The following DOC2B variants were observed in gnomAD, a reference collection of about 807,000 sequenced individuals.
DOC2B encodes the protein double C2-like domain-containing protein beta.
A neutral mutation model predicts 28.9 loss-of-function variants in DOC2B; 21 were observed. The ratio of observed to expected loss-of-function variants is 0.73; its 90% CI spans 0.52 to 1.05. The LOEUF (loss-of-function observed/expected upper bound fraction) is 1.05. Among genes scored for constraint, DOC2B ranks in the 50% least tolerant of loss-of-function variants. DOC2B has a pLI of 0.00. For synonymous variants in DOC2B, 194 were observed against 178.1 expected, an observed-to-expected ratio of 1.09 and a Z score of -0.71; for missense variants, 384 against 421.1, an observed-to-expected ratio of 0.91 and a Z score of 0.77.
Position 181,287 on chromosome 17 carries a change from C to A in DOC2B, c.193G>T (p.Ala65Ser). 4.2e-6 allele frequency: 5 copies of A among 1,198,418 alleles called. No homozygotes were observed. Among genetic ancestry groups the A allele is most frequent in the Non-Finnish European group, 5.2e-6 (5 of 967,088 alleles). 74.2% of individuals were successfully genotyped at this position (1,198,418 alleles called of 1,614,324 possible). Residue 65 changes from alanine to serine, a missense_variant, in exon 1 of 9, where the codon GCC becomes TCC. Physicochemically the swap from Ala to Ser is moderately conservative, Grantham distance 99 (BLOSUM62 1). Transcript: ENST00000613549. This position sits in a 1 kb window ranked among gnomAD's most constrained non-coding sequence, Gnocchi z 7.0. ...PPDAPARPAVAGAGRRSPSDG... is the reference protein window; with the variant it reads ...PPDAPARPAVSGAGRRSPSDG... The stretch of plus-strand genomic sequence containing the variant: ...GAGGGGCTGCGGCGGCCGGCACCGG[C>A]CACAGCCGGGCGCGCGGGGGCGTCC...
At chr17:161,177 A>ACATT (rs2151466046) in intron 5 of DOC2B, among the ~76,000 whole-genome samples, 1 of 152,124 alleles carries the variant, frequency 6.6e-6, no homozygotes, top group East Asian at 1.9e-4. Flanking sequence ...CAGGCCAGCG[A>ACATT]GCCTGGTAAA....
intron 8 of DOC2B, 45 bp from the exon 9 acceptor site, chr17:147,622 C>A (rs2040030115): frequency 5.0e-6 from 2 of 398,806 alleles, no homozygotes; most frequent in Admixed American, 4.4e-5. Context: ...GGACCCCCAA[C>A]TCCCAGGCGT....
intron 2 of DOC2B, 53 bp downstream of exon 2, chr17:172,484 C>T: frequency 1.4e-6 from 2 of 1,477,238 alleles, no homozygotes; most frequent in Non-Finnish European, 1.8e-6. Flanking sequence ...CTGACCTAGG[C>T]CCTCTTGAGG....
chr17:180,845 G>A (rs1358112217), intron 1 of DOC2B, among the ~76,000 whole-genome samples: 4 of 150,678 alleles, frequency 2.7e-5, no homozygotes, highest in Non-Finnish European at 4.4e-5. Flanking sequence ...CGAGGAACCC[G>A]GCCCCGGAAA....
chr17:147,760 G>A (rs1362790441), intron 8 of DOC2B, among the ~76,000 whole-genome samples, 183 bp from the exon 9 acceptor site: 2 of 152,214 alleles, frequency 1.3e-5, no homozygotes, highest in African/African-American at 4.8e-5. Flanking sequence ...CAGCCATCCT[G>A]TCTCTCTTCC....
Position 181,295 on chromosome 17 carries a change from G to C in DOC2B, c.185C>G (p.Pro62Arg). 1 of 1,187,398 alleles carries C rather than the reference G, an allele frequency of 8.4e-7. No individual in the cohort carries two copies. 73.6% of individuals were successfully genotyped at this position (1,187,398 alleles called of 1,614,324 possible). The change falls in exon 1 of 9, where the codon CCG (proline) becomes CGG (arginine). Residue 62 changes from proline (P) to arginine (R), a missense_variant. Pro to Arg is a moderately radical substitution (Grantham distance 103, BLOSUM62 -2). Transcript: ENST00000613549. The surrounding 1 kb of genome is among the most constrained non-coding windows in gnomAD (Gnocchi z 7.0). ...AAAPPDAPAR[P>R]AVAGAGRRSP... is the part of the protein sequence containing the mutation. ...GCGGCGGCCGGCACCGGCCACAGCCGGGCGCGCGGGGGCGTCCGGGGGTGC... is the reference window on the plus strand; with the variant it reads ...GCGGCGGCCGGCACCGGCCACAGCCCGGCGCGCGGGGGCGTCCGGGGGTGC...
chr17:148,321 C>T lies in DOC2B; in HGVS notation c.1006-52G>A, dbSNP rs1021534554. 2.1e-3 allele frequency: 848 copies of T among 398,538 alleles called. 10 individuals carry two copies. Among genetic ancestry groups the T allele is most frequent in the African/African-American group, 0.016 (778 of 48,666 alleles). 24.7% of individuals were successfully genotyped at this position (398,538 alleles called of 1,614,324 possible). A position where few individuals can be genotyped will look rare whatever the true frequency, so the allele number is the denominator to read the frequency against. On this transcript the variant is annotated intron_variant, in intron 7 of 8. Coordinates refer to ENST00000613549, the MANE Select transcript of DOC2B (RefSeq NM_003585.5). ...CTGATGCCTGGGCCTGGGCCTCCGC[C>T]GGGGGCCAGGAGGGGTATGAGGTGT...
chr17:158,760 A>T (rs1201662035), intron 5 of DOC2B, among the ~76,000 whole-genome samples: 3 of 152,162 alleles, frequency 2.0e-5, no homozygotes. Flanking sequence ...ATAAACTAGC[A>T]GGGGCCAGGC....
intron 7 of DOC2B, 150 bp downstream of exon 7, chr17:148,961 G>C: frequency 3.5e-5 from 12 of 342,394 alleles, no homozygotes; most frequent in East Asian, 1.3e-4. Flanking sequence ...GGGTCCCCCA[G>C]CTCCCCTGTG....
chr17:179,398 C>CAAAAAAAAAAAAAAA (rs770987974), intron 1 of DOC2B, among the ~76,000 whole-genome samples: 3 of 139,006 alleles, frequency 2.2e-5, no homozygotes, highest in Non-Finnish European at 3.1e-5. Context: ...TCAGAGACAG[C>CAAAAAAAAAAAAAAA]AAAAAAAAGA....
Position 181,312 on chromosome 17 carries a change from CG to C in DOC2B, c.167del (p.Pro56ArgfsTer98). ...PDAGPRAAAP[P>X]DAPARPAVAG... is the part of the protein sequence containing the mutation. ...CCACAGCCGGGCGCGCGGGGGCGTC[CG>C]GGGGTGCAGCGGCTCGGGGCCCGGC... On this transcript the variant is annotated frameshift_variant, in exon 1 of 9. Transcript: ENST00000613549. LOFTEE classifies it high-confidence loss of function. This position sits in a 1 kb window ranked among gnomAD's most constrained non-coding sequence, Gnocchi z 7.0. The C allele has an allele frequency of 2.6e-6, 3 of 1,174,338 alleles. No individual in the cohort carries two copies. Among genetic ancestry groups the C allele is most frequent in the Non-Finnish European group, 3.2e-6 (3 of 951,698 alleles). 72.7% of individuals were successfully genotyped at this position (1,174,338 alleles called of 1,614,324 possible). A position where few individuals can be genotyped will look rare whatever the true frequency, so the allele number is the denominator to read the frequency against.
chr17:160,668 G>A (rs2151465616), intron 5 of DOC2B, among the ~76,000 whole-genome samples: 1 of 152,292 alleles, frequency 6.6e-6, no homozygotes. Context: ...AGTGGCACGG[G>A]GGACTCCTGG....
At chr17:157,461 T>C (rs2040149060) in intron 5 of DOC2B, among the ~76,000 whole-genome samples, 1 of 152,190 alleles carries the variant, frequency 6.6e-6, no homozygotes, top group South Asian at 2.1e-4. Flanking sequence ...GTTGGAACTC[T>C]ACCTGTAAAT....
intron 8 of DOC2B, 87 bp from the exon 9 acceptor site, chr17:147,664 C>T (rs1010951405): frequency 1.5e-5 from 6 of 398,364 alleles, no homozygotes; most frequent in Admixed American, 4.4e-5. Flanking sequence ...GTTCTGTGCT[C>T]GAAGGCCAGC....
chr17:152,220 C>T (rs1036219212), intron 6 of DOC2B, among the ~76,000 whole-genome samples: 3 of 152,182 alleles, frequency 2.0e-5, no homozygotes, highest in East Asian at 1.9e-4. Context: ...TGGCACAGCA[C>T]GTTGCTGCCA....
Position 181,513 on chromosome 17 carries a change from G to A in DOC2B, c.-34C>T. On this transcript the variant is annotated 5_prime_UTR_variant, in exon 1 of 9. Transcript: ENST00000613549. This position sits in a 1 kb window ranked among gnomAD's most constrained non-coding sequence, Gnocchi z 7.0. Reference sequence around the variant, plus strand: ...CGCCGCCCCGCCCCGGGCGCGGCCCGGCCCGGCGCGACCCCGGCCCGGGGG... The same window carrying A: ...CGCCGCCCCGCCCCGGGCGCGGCCCAGCCCGGCGCGACCCCGGCCCGGGGG... 1.0e-6 allele frequency: 1 copy of A among 990,432 alleles called. No individual in the cohort carries two copies. The highest frequency in any genetic ancestry group is 1.2e-6 in the Non-Finnish European group (1 of 834,434). 61.4% of individuals were successfully genotyped at this position (990,432 alleles called of 1,614,324 possible). A position where few individuals can be genotyped will look rare whatever the true frequency, so the allele number is the denominator to read the frequency against.
intron 1 of DOC2B, among the ~76,000 whole-genome samples, chr17:173,243 G>A (rs896956505): frequency 7.9e-5 from 12 of 152,272 alleles, no homozygotes; most frequent in South Asian, 2.1e-4. Context: ...ATTGGGGGAG[G>A]TTGCAGCCAT....
chr17:176,745 C>CTT (rs1386966996), intron 1 of DOC2B, among the ~76,000 whole-genome samples: 1 of 152,214 alleles, frequency 6.6e-6, no homozygotes, highest in Non-Finnish European at 1.5e-5. Flanking sequence ...ACCCACAGTG[C>CTT]CCTGCCCTTG....
chr17:160,146 G>A lies in DOC2B; in HGVS notation c.765+1269C>T, dbSNP rs576190263. On this transcript the variant is annotated intron_variant, in intron 5 of 8. Coordinates refer to ENST00000613549, the MANE Select transcript of DOC2B (RefSeq NM_003585.5). ...ATTACAGGCATGCACCCCCACACCC[G>A]GCTAATTTTTTTATTTTTAGCAGAG... Among the ~76,000 whole-genome samples the A allele has an allele frequency of 7.9e-5, 12 of 151,984 alleles. 1 individual carries two copies. The highest frequency in any genetic ancestry group is 6.8e-3 in the Middle Eastern group (2 of 294).
Sources: gnomAD v4.1 joint callset for allele counts (sites outside exome capture counted in the v4.1 genomes callset) on GRCh38, gnomAD v4.1.1 for gene constraint, Gnocchi (gnomAD v3.1) non-coding constraint, MANE v1.5 for transcripts, NCBI Gene and HGNC (gene_info 2026-07-23, HGNC 2026-07-21) for gene names.